The following PHKB variants were observed in gnomAD, a reference collection of about 807,000 sequenced individuals.
PHKB encodes the protein phosphorylase b kinase regulatory subunit beta.
In PHKB, 122 loss-of-function variants were observed where a neutral mutation model predicts 152.1. That is an observed-to-expected ratio of 0.80 (90% CI 0.69 to 0.93). The LOEUF is 0.93. PHKB is among the 40% of genes least tolerant of loss of function. PHKB has a pLI of 0.00. For missense variants in PHKB, 1,304 were observed against 1,328.4 expected (o/e 0.98, Z 0.29); for synonymous variants, 436 against 464.9 (o/e 0.94, Z 0.80).
Position 47,641,110 on chromosome 16 carries a change from G to T in PHKB, c.1514+20G>T, listed in dbSNP as rs770776317. ...CCAAAGGTATGAAATCCAAGTGGGTGGTGTGTTTTTTTGTGGGGAGGGGAG... is the reference window on the plus strand; with the variant it reads ...CCAAAGGTATGAAATCCAAGTGGGTTGTGTGTTTTTTTGTGGGGAGGGGAG... On this transcript the variant is annotated intron_variant, in intron 15 of 30. Coordinates refer to ENST00000323584, the MANE Select transcript of PHKB (RefSeq NM_000293.3). 45 of 1,609,488 alleles carry T rather than the reference G, an allele frequency of 2.8e-5. No homozygotes were observed. The highest frequency in any genetic ancestry group is 3.8e-5 in the Non-Finnish European group (45 of 1,176,044).
chr16:47,688,162 C>T (rs1268081197), intron 26 of PHKB, among the ~76,000 whole-genome samples: 3 of 152,160 alleles, frequency 2.0e-5, no homozygotes, highest in Non-Finnish European at 1.5e-5. Context: ...AGTTGCACTG[C>T]CTCTCTTTGT....
intron 1 of PHKB, among the ~76,000 whole-genome samples, chr16:47,474,387 G>T (rs1268405581): frequency 6.6e-6 from 1 of 152,168 alleles, no homozygotes; most frequent in Admixed American, 6.5e-5. Context: ...AGCTGTGGAT[G>T]GAGACTAGGA....
chr16:47,676,943 A>C lies in PHKB; in HGVS notation c.2630+7526A>C, dbSNP rs142083675. Among the ~76,000 whole-genome samples, 500 of 152,334 alleles carry C rather than the reference A, an allele frequency of 3.3e-3. 3 individuals carry two copies. Among genetic ancestry groups the C allele is most frequent in the African/African-American group, 0.011 (468 of 41,568 alleles). The stretch of plus-strand genomic sequence containing the variant: ...CAAGTATTTTTCATCTCTGCTTTTC[A>C]TACTGCCAGGGCATCCTCTGTAAGC... On this transcript the variant is annotated intron_variant, in intron 26 of 30. Coordinates refer to ENST00000323584, the MANE Select transcript of PHKB (RefSeq NM_000293.3).
intron 6 of PHKB, among the ~76,000 whole-genome samples, chr16:47,533,828 G>A (rs1474241843): frequency 1.3e-5 from 2 of 151,948 alleles, no homozygotes; most frequent in East Asian, 3.9e-4. Context: ...GCCTGCTCTT[G>A]GCACCCCCAA....
At chr16:47,558,017 A>G (rs1971408189) in intron 7 of PHKB, among the ~76,000 whole-genome samples, 1 of 151,592 alleles carries the variant, frequency 6.6e-6, no homozygotes, top group South Asian at 2.1e-4. Context: ...GGATTAAGAA[A>G]ATGTGGCACA....
chr16:47,463,049 T>C (rs1046877259), intron 1 of PHKB: 27 of 152,774 alleles, frequency 1.8e-4, no homozygotes, highest in African/African-American at 6.5e-4. Flanking sequence ...AAAAGTGTTA[T>C]TGGATTGGTT....
intron 14 of PHKB, among the ~76,000 whole-genome samples, chr16:47,627,171 T>C (rs1972725717): frequency 6.6e-6 from 1 of 152,212 alleles, no homozygotes; most frequent in South Asian, 2.1e-4. Context: ...TGTTTCACCC[T>C]CATCTTACTT....
chr16:47,600,093 A>C (rs1328246917), intron 13 of PHKB, among the ~76,000 whole-genome samples: 3 of 152,174 alleles, frequency 2.0e-5, no homozygotes, highest in African/African-American at 7.2e-5. Context: ...TATGACTTTC[A>C]CTAATTCAGG....
At position 47,691,570 on chromosome 16, in the gene PHKB, C is replaced by T. The variant is rs548034210; in HGVS notation, c.2766-1808C>T. Among the ~76,000 whole-genome samples, 86 of 152,060 alleles carry T rather than the reference C, an allele frequency of 5.7e-4. No individual in the cohort carries two copies. In the South Asian group the frequency reaches 0.017, roughly 29 times the overall value. Reference sequence around the variant, plus strand: ...AAACACAAAAATTAGCTGGATGTGGCGGCACATGCCTGTAGTTCCAGCTAC... The same window carrying T: ...AAACACAAAAATTAGCTGGATGTGGTGGCACATGCCTGTAGTTCCAGCTAC... On this transcript the variant is annotated intron_variant, in intron 27 of 30. Transcript: ENST00000323584.
chr16:47,527,112 C>T (rs1372416254), intron 6 of PHKB, among the ~76,000 whole-genome samples: 1 of 152,104 alleles, frequency 6.6e-6, no homozygotes, highest in Non-Finnish European at 1.5e-5. Context: ...AATCTGCCTC[C>T]GTGAGTTACT....
chr16:47,540,677 C>T (rs1971038986), intron 6 of PHKB, among the ~76,000 whole-genome samples: 1 of 151,746 alleles, frequency 6.6e-6, no homozygotes, highest in African/African-American at 2.4e-5. Context: ...GACGGGTTCC[C>T]CCAATAAAAT....
At chr16:47,551,513 GTT>G (rs1301504661) in intron 7 of PHKB, among the ~76,000 whole-genome samples, 2 of 152,168 alleles carry the variant, frequency 1.3e-5, no homozygotes, top group African/African-American at 4.8e-5. Flanking sequence ...TTTCCATGTA[GTT>G]TTGTGGTTTT....
At position 47,689,604 on chromosome 16, in the gene PHKB, C is replaced by T. The variant is rs192705577; in HGVS notation, c.2765+429C>T. ...CCCTAAATAGACTTCAATGCTAAAC[C>T]CTTTCCTAGACTTGTGCTAAGCTTA... On this transcript the variant is annotated intron_variant, in intron 27 of 30. Coordinates refer to ENST00000323584, the MANE Select transcript of PHKB (RefSeq NM_000293.3). 2.0e-5 allele frequency among the ~76,000 whole-genome samples: 3 copies of T among 152,132 alleles called. No individual in the cohort carries two copies. In the South Asian group the frequency reaches 6.2e-4, roughly 32 times the overall value.
chr16:47,533,717 G>A (rs1322666607), intron 6 of PHKB, among the ~76,000 whole-genome samples: 2 of 152,192 alleles, frequency 1.3e-5, no homozygotes, highest in African/African-American at 2.4e-5. Context: ...AAGCCTGCGA[G>A]GGCAGGGAGG....
At chr16:47,490,700 A>T (rs1390379562) in intron 1 of PHKB, among the ~76,000 whole-genome samples, 1 of 152,254 alleles carries the variant, frequency 6.6e-6, no homozygotes, top group Non-Finnish European at 1.5e-5. Flanking sequence ...CCAGATTACC[A>T]TAAATTATTT....
Position 47,650,533 on chromosome 16 carries a change from C to T in PHKB, c.1798-11C>T, listed in dbSNP as rs1318575977. 5 of 1,528,304 alleles carry T rather than the reference C, an allele frequency of 3.3e-6. No individual in the cohort carries two copies. The Admixed American group carries it at 8.3e-5, about 26-fold the overall frequency. 94.7% of individuals were successfully genotyped at this position (1,528,304 alleles called of 1,614,324 possible). A position where few individuals can be genotyped will look rare whatever the true frequency, so the allele number is the denominator to read the frequency against. On this transcript the variant is annotated splice_polypyrimidine_tract_variant and intron_variant, in intron 18 of 30. Transcript: ENST00000323584. Reference sequence around the variant, plus strand: ...CTGTGCCATTACATCCTACCTCATTCTGTTTGACAGAATGCGCTGCAGTTC... The same window carrying T: ...CTGTGCCATTACATCCTACCTCATTTTGTTTGACAGAATGCGCTGCAGTTC...
chr16:47,649,345 A>T (rs913620105), intron 18 of PHKB, 141 bp downstream of exon 18: 3 of 689,002 alleles, frequency 4.4e-6, no homozygotes, highest in Admixed American at 4.1e-5. Context: ...CCACCTGCAT[A>T]GCTTTGGAGA....
rs560761152 is a variant in PHKB at position 47,485,056 on chromosome 16, G to A, written c.77-12343G>A. Among the ~76,000 whole-genome samples the A allele has an allele frequency of 3.3e-5, 5 of 152,160 alleles. No homozygotes were observed. The South Asian group carries it at 6.2e-4, about 19-fold the overall frequency. ...TTGTTGCTTAGCTTTTCAACACCTA[G>A]GATCATGCTAAACATCTTTTCTTCT... On this transcript the variant is annotated intron_variant, in intron 1 of 30. Coordinates refer to ENST00000323584, the MANE Select transcript of PHKB (RefSeq NM_000293.3).
intron 6 of PHKB, among the ~76,000 whole-genome samples, chr16:47,530,401 C>T (rs1429648078): frequency 6.6e-6 from 1 of 152,144 alleles, no homozygotes; most frequent in African/African-American, 2.4e-5. Flanking sequence ...ATCCGCCTGC[C>T]TCAGCCTCCC....
Sources: allele counts gnomAD v4.1 joint callset (sites outside exome capture counted in the v4.1 genomes callset), GRCh38; gene constraint gnomAD v4.1.1; transcripts MANE v1.5; gene names NCBI Gene and HGNC (gene_info 2026-07-23, HGNC 2026-07-21).